DOCK5: variants seen among roughly 807,000 people sequenced by gnomAD.
DOCK5 encodes the protein dedicator of cytokinesis 5, also known as dedicator of cytokinesis protein 5.
A neutral mutation model predicts 251.8 loss-of-function variants in DOCK5; 142 were observed. The ratio of observed to expected loss-of-function variants is 0.56; its 90% confidence interval spans 0.49 to 0.65. The LOEUF (loss-of-function observed/expected upper bound fraction) is 0.65. Ranked by LOEUF, DOCK5 falls within the 30% of genes least tolerant of loss-of-function variation. DOCK5 has a pLI of 0.00. For synonymous variants in DOCK5, 842 were observed against 835.5 expected (o/e 1.01, Z -0.13); for missense variants, 2,111 against 2,312.3 (o/e 0.91, Z 1.79).
At chr8:25,203,211 A>C (rs900515660) in intron 1 of DOCK5, among the ~76,000 whole-genome samples, 5 of 152,210 alleles carry the variant, frequency 3.3e-5, no homozygotes, top group Non-Finnish European at 7.3e-5. Context: ...TGTGCCTGAA[A>C]GCCTGCCTCA....
intron 13 of DOCK5, among the ~76,000 whole-genome samples, chr8:25,316,525 T>C (rs1292244924): frequency 2.6e-5 from 4 of 152,222 alleles, no homozygotes; most frequent in Non-Finnish European, 5.9e-5. Context: ...AAAGAGTGTC[T>C]ACCTCATCAG....
intron 1 of DOCK5, among the ~76,000 whole-genome samples, chr8:25,195,032 T>C (rs1801686903): frequency 6.6e-6 from 1 of 152,100 alleles, no homozygotes; most frequent in Admixed American, 6.5e-5. Flanking sequence ...GTGATTCTCC[T>C]GCCATAGCCT....
chr8:25,366,302 C>A (rs1800773139), intron 30 of DOCK5, among the ~76,000 whole-genome samples: 1 of 152,110 alleles, frequency 6.6e-6, no homozygotes, highest in Non-Finnish European at 1.5e-5. Context: ...ACCAGCCTGG[C>A]CAACATGGCG....
At chr8:25,341,640 A>G in intron 23 of DOCK5, 99 bp from the exon 24 acceptor site, 6 of 977,778 alleles carry the variant, frequency 6.1e-6, no homozygotes, top group African/African-American at 1.6e-5. Flanking sequence ...AGTTCCCTAT[A>G]TAAGTTCCAA....
chr8:25,323,213 ATCT>A (rs1298196501), intron 16 of DOCK5, among the ~76,000 whole-genome samples: 1 of 152,208 alleles, frequency 6.6e-6, no homozygotes, highest in Non-Finnish European at 1.5e-5. Flanking sequence ...GGGCATGCAG[ATCT>A]TCTTTCCTGG....
chr8:25,207,805 A>G (rs1459270482), intron 1 of DOCK5, among the ~76,000 whole-genome samples: 1 of 152,222 alleles, frequency 6.6e-6, no homozygotes, highest in Non-Finnish European at 1.5e-5. Flanking sequence ...CCCATGGATC[A>G]AGGGATAATT....
chr8:25,264,070 A>G (rs1803665902), intron 2 of DOCK5, among the ~76,000 whole-genome samples: 2 of 151,900 alleles, frequency 1.3e-5, no homozygotes, highest in Admixed American at 1.3e-4. Flanking sequence ...GTTGATTCAT[A>G]TATATCATTC....
At chr8:25,246,993 C>A (rs1007816884) in intron 2 of DOCK5, among the ~76,000 whole-genome samples, 1 of 151,740 alleles carries the variant, frequency 6.6e-6, no homozygotes, top group African/African-American at 2.4e-5. Context: ...CTCAAGCTAT[C>A]CTCTTGCCTC....
chr8:25,300,391 G>C (rs1563193491), intron 8 of DOCK5, among the ~76,000 whole-genome samples, 185 bp from the exon 9 acceptor site: 2 of 152,286 alleles, frequency 1.3e-5, no homozygotes, highest in East Asian at 3.9e-4. Context: ...TCTAATGCCA[G>C]GACACCCAGC....
At chr8:25,381,130 A>G (rs1046412481) in intron 39 of DOCK5, among the ~76,000 whole-genome samples, 29 of 152,198 alleles carry the variant, frequency 1.9e-4, no homozygotes, top group African/African-American at 7.0e-4. Flanking sequence ...GTAGGCAGCC[A>G]CCATTCTGAA....
chr8:25,402,355 G>A (rs1242806133), intron 47 of DOCK5, among the ~76,000 whole-genome samples: 2 of 151,806 alleles, frequency 1.3e-5, no homozygotes, highest in Non-Finnish European at 2.9e-5. Flanking sequence ...GGAGTGCAGT[G>A]GCACGATCTC....
At chr8:25,225,857 A>C (rs979081197) in intron 1 of DOCK5, among the ~76,000 whole-genome samples, 1 of 152,188 alleles carries the variant, frequency 6.6e-6, no homozygotes, top group Non-Finnish European at 1.5e-5. Flanking sequence ...AAGGGACCCA[A>C]AGTAAAAAGG....
At chr8:25,246,753 TGTGGC>T (rs1228164683) in intron 2 of DOCK5, among the ~76,000 whole-genome samples, 16 of 130,022 alleles carry the variant, frequency 1.2e-4, no homozygotes, top group African/African-American at 4.9e-4. Flanking sequence ...TGTGTGTGTG[TGTGGC>T]GGGGGCGGGG....
At chr8:25,333,972 A>G in intron 20 of DOCK5, 124 bp from the exon 21 acceptor site, 1 of 706,116 alleles carries the variant, frequency 1.4e-6, no homozygotes, top group Non-Finnish European at 2.5e-6. Flanking sequence ...CTGGAATAGT[A>G]GAGTGGGAAT....
At chr8:25,356,089 A>T (rs1179804257) in intron 27 of DOCK5, among the ~76,000 whole-genome samples, 1 of 151,090 alleles carries the variant, frequency 6.6e-6, no homozygotes, top group Non-Finnish European at 1.5e-5. Flanking sequence ...AGTCCGAGCT[A>T]TTGGGAGGCT....
At position 25,377,406 on chromosome 8, in the gene DOCK5, A is replaced by G. The variant is rs149401497; in HGVS notation, c.3918A>G (p.Ser1306=). 9.0e-4 allele frequency: 1,450 copies of G among 1,613,726 alleles called. 20 individuals are homozygous for G. In the African/African-American group the frequency reaches 0.017, roughly 19 times the overall value. ...LKEKLYQEII[S]YFDKGKMWEK... The stretch of plus-strand genomic sequence containing the variant: ...AGAAGCTGTATCAAGAAATCATATC[A>G]TATTTCGACAAAGGCAAAGTGAGTA... The change falls in exon 38 of 52, where the codon TCA becomes TCG. Residue 1306 remains serine (S), a synonymous_variant. Coordinates refer to ENST00000276440, the MANE Select transcript of DOCK5 (RefSeq NM_024940.8).
At chr8:25,294,836 T>C (rs1804578244) in intron 6 of DOCK5, among the ~76,000 whole-genome samples, 1 of 152,070 alleles carries the variant, frequency 6.6e-6, no homozygotes. Context: ...CAAGCACGTC[T>C]TACATGGCCA....
At chr8:25,325,745 A>G (rs1805549044) in intron 18 of DOCK5, among the ~76,000 whole-genome samples, 198 bp downstream of exon 18, 1 of 152,200 alleles carries the variant, frequency 6.6e-6, no homozygotes, top group East Asian at 1.9e-4. Context: ...CTGAAGTTTC[A>G]TCGTCCACTT....
At chr8:25,367,439 C>T (rs1409286830) in intron 31 of DOCK5, among the ~76,000 whole-genome samples, 1 of 152,140 alleles carries the variant, frequency 6.6e-6, no homozygotes, top group Non-Finnish European at 1.5e-5. Context: ...GAATTATGTG[C>T]AGAAGTGATA....
Sources: allele counts gnomAD v4.1 joint callset (sites outside exome capture counted in the v4.1 genomes callset), GRCh38; gene constraint gnomAD v4.1.1; transcripts MANE v1.5; gene names NCBI Gene and HGNC (gene_info 2026-07-23, HGNC 2026-07-21).